Variants in ATR observed in about 807,000 individuals in gnomAD.
The protein encoded by ATR is serine/threonine-protein kinase ATR.
Under a neutral mutation model 305.3 loss-of-function variants are expected in ATR, and 142 were observed. The observed-to-expected ratio is 0.47, with a 90% CI of 0.41 to 0.53. ATR has a LOEUF of 0.53. ATR is among the 20% of genes least tolerant of loss of function. The pLI is 0.00. For synonymous variants in ATR, 1,050 were observed against 1,068.1 expected (o/e 0.98, Z 0.33); for missense variants, 2,135 against 3,133.1 (o/e 0.68, Z 7.60).
At chr3:142,484,721 T>C (rs1472678672) in intron 36 of ATR, among the ~76,000 whole-genome samples, 1 of 152,036 alleles carries the variant, frequency 6.6e-6, no homozygotes, top group Non-Finnish European at 1.5e-5. Flanking sequence ...TGGTCTTGTG[T>C]CACCAAGCCC....
chr3:142,485,351 A>C, intron 35 of ATR, 69 bp from the exon 36 acceptor site: 13 of 1,559,740 alleles, frequency 8.3e-6, no homozygotes, highest in Non-Finnish European at 1.1e-5. Flanking sequence ...AAATATGAAT[A>C]GATGATTAGG....
intron 36 of ATR, among the ~76,000 whole-genome samples, chr3:142,473,567 A>T: frequency 6.8e-6 from 1 of 147,922 alleles, no homozygotes; most frequent in Non-Finnish European, 1.5e-5. Context: ...TTTTTTAGAG[A>T]CATAGTCTCA....
At chr3:142,501,475 T>TA (rs1406627675) in intron 30 of ATR, among the ~76,000 whole-genome samples, 2 of 152,224 alleles carry the variant, frequency 1.3e-5, no homozygotes, top group African/African-American at 4.8e-5. Flanking sequence ...TGTAAAATGA[T>TA]AGTCTTTATG....
In ATR at chr3:142,538,700, T is replaced by C. The variant is rs2108433526; in HGVS notation, c.3582-75A>G. ...TAAAGCTCTATCAATCAGTAATTAG[T>C]TGAAGACACATGATATATACAAACA... is the stretch of plus-strand genomic sequence containing the variant. On this transcript the variant is annotated intron_variant, in intron 18 of 46. Coordinates refer to ENST00000350721, the MANE Select transcript of ATR (RefSeq NM_001184.4). 1.9e-6 allele frequency: 3 copies of C among 1,553,764 alleles called. No individual in the cohort carries two copies. In the South Asian group the frequency reaches 3.4e-5, roughly 18 times the overall value.
rs532662296 is a variant in ATR, at chr3:142,449,327, G to A, written c.*102C>T. The stretch of plus-strand genomic sequence containing the variant: ...GAGAGAAATAACAGTTGCTGAGAAC[G>A]TAAATTTATGTTGTACTTTAGAATT... On this transcript the variant is annotated 3_prime_UTR_variant, in exon 47 of 47. Coordinates refer to ENST00000350721, the MANE Select transcript of ATR (RefSeq NM_001184.4). The A allele has an allele frequency of 3.1e-5, 34 of 1,098,768 alleles. No homozygotes were observed. Among genetic ancestry groups the A allele is most frequent in the Middle Eastern group, 4.9e-4 (2 of 4,098 alleles). The allele number at this position is 1,098,768 out of a possible 1,614,324, so 68.1% of individuals were successfully genotyped here. A position where few individuals can be genotyped will look rare whatever the true frequency, so the allele number is the denominator to read the frequency against.
chr3:142,492,216 G>A (rs1216044998), intron 35 of ATR, among the ~76,000 whole-genome samples: 1 of 152,062 alleles, frequency 6.6e-6, no homozygotes, highest in Non-Finnish European at 1.5e-5. Flanking sequence ...CCCTTTTAAG[G>A]TCTTTACTGA....
At position 142,505,189 on chromosome 3, in the gene ATR, T is replaced by G; in HGVS notation, c.5146A>C (p.Arg1716=). 1 of 1,614,192 alleles carries G rather than the reference T, an allele frequency of 6.2e-7. No homozygotes were observed. Among genetic ancestry groups the G allele is most frequent in the Non-Finnish European group, 8.5e-7 (1 of 1,180,028 alleles). Residue 1716 remains arginine, a synonymous_variant, in exon 29 of 47, where the codon AGG becomes CGG. Coordinates refer to ENST00000350721, the MANE Select transcript of ATR (RefSeq NM_001184.4). ...ILEHESLGLL[R]DATACYDRAI... Reference sequence around the variant, plus strand: ...CTGTCATAACAAGCAGTGGCATCCCTCAGCAAGCCAAGGCTTTCATGTTCA... The same window carrying G: ...CTGTCATAACAAGCAGTGGCATCCCGCAGCAAGCCAAGGCTTTCATGTTCA...
intron 27 of ATR, among the ~76,000 whole-genome samples, chr3:142,510,299 C>T (rs1022617738): frequency 1.3e-5 from 2 of 151,674 alleles, no homozygotes; most frequent in African/African-American, 4.8e-5. Flanking sequence ...AGTTAGAGAC[C>T]AGCCTGGCCA....
intron 21 of ATR, among the ~76,000 whole-genome samples, chr3:142,525,798 T>C (rs1368201942): frequency 1.3e-5 from 2 of 152,190 alleles, no homozygotes; most frequent in East Asian, 1.9e-4. Context: ...CCATGTGATA[T>C]GCCAACTCCC....
chr3:142,489,328 C>T (rs1367538728), intron 35 of ATR, among the ~76,000 whole-genome samples: 1 of 152,136 alleles, frequency 6.6e-6, no homozygotes, highest in African/African-American at 2.4e-5. Flanking sequence ...GACCAAGACC[C>T]TGTCTCAAAA....
At chr3:142,467,850 TAATTA>T (rs2071166013) in intron 39 of ATR, 79 bp downstream of exon 39, 5 of 1,493,576 alleles carry the variant, frequency 3.3e-6, no homozygotes, top group East Asian at 4.7e-5. Flanking sequence ...AATTTTAATT[TAATTA>T]ATCAAATGAA....
At chr3:142,503,873 A>G (rs979118956) in intron 29 of ATR, among the ~76,000 whole-genome samples, 1 of 152,212 alleles carries the variant, frequency 6.6e-6, no homozygotes, top group African/African-American at 2.4e-5. Context: ...TTTTTGGTTC[A>G]CATCCAATAT....
At chr3:142,458,702 CTAAT>C (rs1277665134) in intron 44 of ATR, among the ~76,000 whole-genome samples, 4 of 152,132 alleles carry the variant, frequency 2.6e-5, no homozygotes, top group African/African-American at 9.7e-5. Context: ...TAACTAATAA[CTAAT>C]TGAGTCAGAA....
intron 36 of ATR, among the ~76,000 whole-genome samples, chr3:142,474,554 C>T (rs1208510654): frequency 4.6e-5 from 7 of 152,112 alleles, no homozygotes; most frequent in East Asian, 1.9e-4. Flanking sequence ...TATAGAAATG[C>T]TACTTACTTT....
chr3:142,474,935 T>G (rs1376747591), intron 36 of ATR, among the ~76,000 whole-genome samples: 3 of 152,098 alleles, frequency 2.0e-5, no homozygotes. Context: ...TTGTTTTTTT[T>G]TAAAAAGCCT....
Position 142,499,497 on chromosome 3 carries a change from T to C in ATR, c.5380+130A>G, listed in dbSNP as rs1020868070. 3 of 788,972 alleles carry C rather than the reference T, an allele frequency of 3.8e-6. No individual in the cohort carries two copies. In the African/African-American group the frequency reaches 5.2e-5, roughly 14 times the overall value. 48.9% of individuals were successfully genotyped at this position (788,972 alleles called of 1,614,324 possible). A position where few individuals can be genotyped will look rare whatever the true frequency, so the allele number is the denominator to read the frequency against. Reference sequence around the variant, plus strand: ...TTTTAGTAGAGACGGGGTTTCACTGTGTTAGCCAGGATGGTCTCGATCTCC... The same window carrying C: ...TTTTAGTAGAGACGGGGTTTCACTGCGTTAGCCAGGATGGTCTCGATCTCC... On this transcript the variant is annotated intron_variant, in intron 31 of 46. Transcript: ENST00000350721.
chr3:142,474,735 T>C (rs566625243), intron 36 of ATR, among the ~76,000 whole-genome samples: 1 of 152,298 alleles, frequency 6.6e-6, no homozygotes, highest in Middle Eastern at 3.4e-3. Context: ...TCTTCTCGAA[T>C]TGCTATGGCT....
chr3:142,476,018 C>G lies in ATR; in HGVS notation c.6222-5835G>C, dbSNP rs189041057. 3.1e-4 allele frequency among the ~76,000 whole-genome samples: 47 copies of G among 152,244 alleles called. No individual in the cohort carries two copies. In the East Asian group the frequency reaches 9.1e-3, roughly 29 times the overall value. On this transcript the variant is annotated intron_variant, in intron 36 of 46. Coordinates refer to ENST00000350721, the MANE Select transcript of ATR (RefSeq NM_001184.4). ...AGCCCTTCGTCAGATGAGTAGATTG[C>G]AAAAATTTTCTCCCATTCTGTAAGT...
chr3:142,520,409 C>A (rs1577621842), intron 23 of ATR, among the ~76,000 whole-genome samples: 3 of 152,120 alleles, frequency 2.0e-5, no homozygotes, highest in African/African-American at 7.2e-5. Flanking sequence ...AAAACCTAGA[C>A]AAGCCAAAAG....
Sources: allele counts gnomAD v4.1 joint callset (sites outside exome capture counted in the v4.1 genomes callset), GRCh38; gene constraint gnomAD v4.1.1; transcripts MANE v1.5; gene names NCBI Gene and HGNC (gene_info 2026-07-23, HGNC 2026-07-21).